FAM135A: variants seen among roughly 807,000 people sequenced by gnomAD.
The protein encoded by FAM135A is family with sequence similarity 135 member A, also known as protein FAM135A.
A neutral mutation model predicts 146.8 loss-of-function variants in FAM135A; 79 were observed. The ratio of observed to expected loss-of-function variants is 0.54; its 90% confidence interval spans 0.45 to 0.65. The LOEUF (loss-of-function observed/expected upper bound fraction) is 0.65. Among genes scored for constraint, FAM135A ranks in the 30% least tolerant of loss-of-function variants. The pLI, the probability that FAM135A is intolerant of heterozygous loss-of-function variation, is 0.00. For synonymous variants in FAM135A, 562 were observed against 603.6 expected, an observed-to-expected ratio of 0.93 and a Z score of 1.01; for missense variants, 1,623 against 1,758.2, an observed-to-expected ratio of 0.92 and a Z score of 1.38.
chr6:70,486,784 C>T (rs766102834), intron 10 of FAM135A, among the ~76,000 whole-genome samples: 40 of 152,016 alleles, frequency 2.6e-4, no homozygotes, highest in Non-Finnish European at 3.8e-4. Flanking sequence ...CAAAATTAGC[C>T]GGATGTGGTG....
At chr6:70,426,053 A>G (rs1307355022) in intron 2 of FAM135A, among the ~76,000 whole-genome samples, 1 of 151,134 alleles carries the variant, frequency 6.6e-6, no homozygotes. Context: ...CAGTGAGCCG[A>G]GATTGCGCCA....
intron 20 of FAM135A, among the ~76,000 whole-genome samples, chr6:70,553,680 A>G (rs774761795): frequency 1.8e-4 from 27 of 149,546 alleles, no homozygotes; most frequent in Non-Finnish European, 3.6e-4. Context: ...AAACGTTACA[A>G]TGAAATCTTT....
At chr6:70,445,775 A>G (rs1330547294) in intron 4 of FAM135A, among the ~76,000 whole-genome samples, 2 of 152,138 alleles carry the variant, frequency 1.3e-5, no homozygotes, top group Non-Finnish European at 2.9e-5. Flanking sequence ...TACAGCCATC[A>G]TGAACATGTC....
At chr6:70,507,459 A>G (rs1790046076) in intron 12 of FAM135A, among the ~76,000 whole-genome samples, 1 of 152,180 alleles carries the variant, frequency 6.6e-6, no homozygotes. Context: ...GAAGCAGCAC[A>G]ATTGAGCAAA....
chr6:70,547,292 A>C (rs1231592885), intron 20 of FAM135A, among the ~76,000 whole-genome samples: 1 of 152,228 alleles, frequency 6.6e-6, no homozygotes, highest in Non-Finnish European at 1.5e-5. Flanking sequence ...TGCGGGAAAG[A>C]ACCAGCATCA....
rs769210697 is a variant in FAM135A, at chr6:70,523,941, A to T, written c.1104-26A>T. On this transcript the variant is annotated intron_variant, in intron 13 of 21. Transcript: ENST00000418814. ...GTTGGGTATAATTTTTCTAAATTACAATCTGACTGAAGAAATATTTTTCAG... is the reference window on the plus strand; with the variant it reads ...GTTGGGTATAATTTTTCTAAATTACTATCTGACTGAAGAAATATTTTTCAG... 7 of 1,589,302 alleles carry T rather than the reference A, an allele frequency of 4.4e-6. 1 individual carries two copies. In the South Asian group the frequency reaches 8.2e-5, roughly 19 times the overall value.
rs538655966 is a variant in FAM135A at position 70,559,149 on chromosome 6, A to G, written c.4343-567A>G. 6.6e-5 allele frequency among the ~76,000 whole-genome samples: 10 copies of G among 152,248 alleles called. No individual in the cohort carries two copies. In the South Asian group the frequency reaches 1.2e-3, roughly 19 times the overall value. ...ATAGGCATTGCTTTGAGTTAAAAAT[A>G]CCAAATTTCGGCTGGGCGCAGGGGC... On this transcript the variant is annotated intron_variant, in intron 21 of 21. Coordinates refer to ENST00000418814, the MANE Select transcript of FAM135A (RefSeq NM_001162529.3).
chr6:70,417,141 A>G (rs1365717902), intron 2 of FAM135A, among the ~76,000 whole-genome samples: 1 of 152,162 alleles, frequency 6.6e-6, no homozygotes, highest in Admixed American at 6.6e-5. Context: ...CAACCGAGAA[A>G]CCATTCTGAG....
chr6:70,493,480 G>A (rs556844514), intron 11 of FAM135A, among the ~76,000 whole-genome samples: 5 of 152,150 alleles, frequency 3.3e-5, no homozygotes, highest in African/African-American at 1.2e-4. Flanking sequence ...GTATGTAAAT[G>A]GTTGTCATAA....
Position 70,477,702 on chromosome 6 carries a change from A to C in FAM135A, c.542+370A>C, listed in dbSNP as rs1000149292. Among the ~76,000 whole-genome samples the C allele has an allele frequency of 5.3e-5, 8 of 152,308 alleles. 1 individual carries two copies. The highest frequency in any genetic ancestry group is 5.2e-4 in the Admixed American group (8 of 15,288). On this transcript the variant is annotated intron_variant, in intron 8 of 21. Coordinates refer to ENST00000418814, the MANE Select transcript of FAM135A (RefSeq NM_001162529.3). The stretch of plus-strand genomic sequence containing the variant: ...TGTCCCCCTGATCTAATCACCTCCC[A>C]CCAGGCCCCATTCCAACATTGAGGA...
intron 2 of FAM135A, among the ~76,000 whole-genome samples, chr6:70,419,663 G>A (rs948654752): frequency 1.3e-5 from 2 of 152,154 alleles, no homozygotes; most frequent in African/African-American, 4.8e-5. Context: ...TGGAATGTCA[G>A]TCTCAGTTCC....
chr6:70,545,365 C>T (rs986999694), intron 20 of FAM135A, among the ~76,000 whole-genome samples: 1 of 152,048 alleles, frequency 6.6e-6, no homozygotes, highest in African/African-American at 2.4e-5. Context: ...GTAATCCCAG[C>T]ACTTTGAGAG....
chr6:70,539,029 A>G (rs1797356801), intron 20 of FAM135A, among the ~76,000 whole-genome samples: 4 of 151,880 alleles, frequency 2.6e-5, no homozygotes, highest in Admixed American at 6.6e-5. Flanking sequence ...AAAGTTCCCA[A>G]CTGCTCCTTT....
intron 11 of FAM135A, among the ~76,000 whole-genome samples, chr6:70,495,403 C>T (rs1289430594): frequency 2.0e-5 from 3 of 151,990 alleles, no homozygotes; most frequent in Non-Finnish European, 2.9e-5. Context: ...GTCACAAAAG[C>T]GAATAGGACA....
intron 12 of FAM135A, among the ~76,000 whole-genome samples, chr6:70,508,862 G>A (rs1790382158): frequency 6.6e-6 from 1 of 152,134 alleles, no homozygotes; most frequent in Non-Finnish European, 1.5e-5. Flanking sequence ...GCATACTAAA[G>A]CATCAAAAGG....
intron 17 of FAM135A, among the ~76,000 whole-genome samples, 189 bp from the exon 18 acceptor site, chr6:70,533,568 T>C (rs1006000779): frequency 3.3e-5 from 5 of 152,060 alleles, no homozygotes; most frequent in Admixed American, 2.6e-4. Flanking sequence ...ACACTGAACC[T>C]TTTTTTCCCC....
chr6:70,542,291 C>G (rs1047789203), intron 20 of FAM135A, among the ~76,000 whole-genome samples: 1 of 150,808 alleles, frequency 6.6e-6, no homozygotes, highest in Non-Finnish European at 1.5e-5. Flanking sequence ...TTGCTGTGGT[C>G]ATGCTATTCA....
chr6:70,471,872 G>A (rs983258566), intron 5 of FAM135A, among the ~76,000 whole-genome samples: 2 of 152,124 alleles, frequency 1.3e-5, no homozygotes, highest in African/African-American at 4.8e-5. Context: ...GAACCCAGGA[G>A]ATCAAAGATT....
intron 5 of FAM135A, among the ~76,000 whole-genome samples, chr6:70,472,402 T>G (rs1251326292): frequency 3.3e-5 from 5 of 152,172 alleles, no homozygotes; most frequent in Non-Finnish European, 5.9e-5. Context: ...AAGTTGCAAG[T>G]ACATTATAAA....
Sources: gnomAD v4.1 joint callset for allele counts (sites outside exome capture counted in the v4.1 genomes callset) on GRCh38, gnomAD v4.1.1 for gene constraint, MANE v1.5 for transcripts, NCBI Gene and HGNC (gene_info 2026-07-23, HGNC 2026-07-21) for gene names.